WDR59: variants seen among roughly 807,000 people sequenced by gnomAD.
The protein encoded by WDR59 is GATOR2 complex protein WDR59.
A neutral mutation model predicts 131.2 loss-of-function variants in WDR59; 100 were observed. The observed-to-expected ratio is 0.76, with a 90% CI of 0.65 to 0.90. The LOEUF (loss-of-function observed/expected upper bound fraction) is 0.90. Ranked by LOEUF, WDR59 falls within the 40% of genes least tolerant of loss-of-function variation. WDR59 has a pLI of 0.00. For synonymous variants in WDR59, 601 were observed against 466.2 expected, an observed-to-expected ratio of 1.29 and a Z score of -3.72; for missense variants, 1,203 against 1,262.2, an observed-to-expected ratio of 0.95 and a Z score of 0.71.
chr16:74,913,670 G>A (rs1966216737), intron 13 of WDR59, among the ~76,000 whole-genome samples: 1 of 152,044 alleles, frequency 6.6e-6, no homozygotes. Context: ...ACTTTGAGAT[G>A]GGAAAATAAA....
intron 6 of WDR59, among the ~76,000 whole-genome samples, chr16:74,945,349 C>T (rs762321923): frequency 3.6e-4 from 50 of 137,662 alleles, no homozygotes; most frequent in Non-Finnish European, 5.7e-4. Flanking sequence ...TGGTGGCGGG[C>T]GCCTGCAGTC....
At chr16:74,922,875 C>A (rs1287271340) in intron 9 of WDR59, among the ~76,000 whole-genome samples, 1 of 152,142 alleles carries the variant, frequency 6.6e-6, no homozygotes, top group African/African-American at 2.4e-5. Flanking sequence ...AACTTAATAC[C>A]CAAATTACCT....
At position 74,909,641 on chromosome 16, in the gene WDR59, G is replaced by A. The variant is rs1199309896; in HGVS notation, c.1502C>T (p.Ala501Val). The change falls in exon 16 of 26, where the codon GCT becomes GTT. Residue 501 changes from alanine (A) to valine (V), a missense_variant. Physicochemically the swap from Ala to Val is moderately conservative, Grantham distance 64. Transcript: ENST00000262144. ...LESFVNQEDS[A>V]SSNPFALPNS... ...GGGGAGTGCAAACGGGTTGCTGGAA[G>A]CGCTGTCTTCCTGGTTCTGAAATTT... 6.3e-7 allele frequency: 1 copy of A among 1,581,858 alleles called. No individual in the cohort carries two copies. Among genetic ancestry groups the A allele is most frequent in the South Asian group, 1.2e-5 (1 of 85,652 alleles).
intron 25 of WDR59, among the ~76,000 whole-genome samples, chr16:74,883,981 C>T (rs1272334107): frequency 1.3e-5 from 2 of 152,192 alleles, no homozygotes; most frequent in Admixed American, 6.5e-5. Flanking sequence ...TTCTTCCAGT[C>T]GTTTCCATCT....
chr16:74,874,605 T>G (rs1324569336), intron 25 of WDR59, among the ~76,000 whole-genome samples, 161 bp from the exon 26 acceptor site: 2 of 152,198 alleles, frequency 1.3e-5, no homozygotes, highest in Non-Finnish European at 1.5e-5. Context: ...TTTTTATTTT[T>G]TCTTTTTGAG....
intron 10 of WDR59, among the ~76,000 whole-genome samples, chr16:74,921,179 T>C (rs2030185130): frequency 1.3e-5 from 2 of 152,122 alleles, no homozygotes; most frequent in Non-Finnish European, 2.9e-5. Context: ...GTTGTACAGA[T>C]TATTTCATCA....
intron 6 of WDR59, among the ~76,000 whole-genome samples, chr16:74,946,011 T>G (rs1218718917): frequency 6.6e-6 from 1 of 151,866 alleles, no homozygotes; most frequent in Non-Finnish European, 1.5e-5. Flanking sequence ...GAGACGGGGT[T>G]TCTCCATGTT....
rs371748964 is a variant in WDR59, at chr16:74,965,886, C to G, written c.55-64G>C. 2.6e-4 allele frequency: 407 copies of G among 1,566,626 alleles called. 2 individuals are homozygous for G. In the African/African-American group the frequency reaches 3.5e-3, roughly 13 times the overall value. On this transcript the variant is annotated intron_variant, in intron 1 of 25. Transcript: ENST00000262144. ...CCAGCCGGGGATAGAAGGCAGAGGT[C>G]TCTGTGGCTCTTCCTCTTCCTGTCT...
intron 18 of WDR59, among the ~76,000 whole-genome samples, chr16:74,903,115 C>G (rs1049638597): frequency 1.3e-5 from 2 of 152,076 alleles, no homozygotes; most frequent in Non-Finnish European, 2.9e-5. Context: ...CTAATACTTC[C>G]TAGAAATGGG....
intron 25 of WDR59, among the ~76,000 whole-genome samples, chr16:74,882,604 T>G (rs1165214831): frequency 6.6e-6 from 1 of 151,784 alleles, no homozygotes; most frequent in Admixed American, 6.6e-5. Context: ...TGTATTTTAG[T>G]ATCTCTACTA....
In WDR59 at chr16:74,885,664, T is replaced by C. The variant is rs1318660639; in HGVS notation, c.2678A>G (p.His893Arg). Residue 893 changes from histidine (H) to arginine (R), a missense_variant, in exon 25 of 26, where the codon CAC becomes CGC. Transcript: ENST00000262144. Reference protein sequence around the residue: ...LKFVSCPPDPHKGIEFGVYCS... With the variant: ...LKFVSCPPDPRKGIEFGVYCS... ...AAATTCATACTCACCGATCCCTTTG[T>C]GAGGGTCAGGAGGACAGGAGACAAA... The C allele has an allele frequency of 6.2e-7, 1 of 1,613,942 alleles. No homozygotes were observed. Among genetic ancestry groups the C allele is most frequent in the Non-Finnish European group, 8.5e-7 (1 of 1,179,970 alleles).
intron 1 of WDR59, among the ~76,000 whole-genome samples, chr16:74,966,122 T>C (rs1007137987): frequency 5.3e-5 from 8 of 152,064 alleles, no homozygotes; most frequent in African/African-American, 1.7e-4. Flanking sequence ...TTTTTGACAA[T>C]AGGGCAGTTG....
At chr16:74,923,723 T>G (rs181011674) in intron 9 of WDR59, among the ~76,000 whole-genome samples, 26 of 152,144 alleles carry the variant, frequency 1.7e-4, no homozygotes, top group African/African-American at 5.8e-4. Context: ...GATCCAGGTG[T>G]GAGCCACTGC....
chr16:74,905,168 G>C (rs1377904007), intron 17 of WDR59, among the ~76,000 whole-genome samples: 1 of 150,882 alleles, frequency 6.6e-6, no homozygotes, highest in East Asian at 2.0e-4. Flanking sequence ...CTGAGGTCGG[G>C]AGTTCAAGAC....
intron 18 of WDR59, among the ~76,000 whole-genome samples, chr16:74,901,947 A>G (rs960798485): frequency 2.0e-5 from 3 of 152,202 alleles, no homozygotes; most frequent in African/African-American, 7.2e-5. Flanking sequence ...TCATCACAAA[A>G]TGACTGACTT....
At chr16:74,901,564 G>T (rs1257127278) in intron 18 of WDR59, among the ~76,000 whole-genome samples, 1 of 151,492 alleles carries the variant, frequency 6.6e-6, no homozygotes, top group African/African-American at 2.4e-5. Flanking sequence ...GATCACTCGA[G>T]CCCAGGAGTC....
intron 8 of WDR59, among the ~76,000 whole-genome samples, chr16:74,934,802 A>G (rs2031670042): frequency 6.6e-6 from 1 of 151,976 alleles, no homozygotes; most frequent in Non-Finnish European, 1.5e-5. Flanking sequence ...TTATATATAG[A>G]TATATACATA....
intron 1 of WDR59, among the ~76,000 whole-genome samples, chr16:74,983,839 C>T (rs1393955449): frequency 2.0e-5 from 3 of 151,864 alleles, no homozygotes; most frequent in South Asian, 4.2e-4. Flanking sequence ...TTTAGTCGGG[C>T]GTGTTGGCAT....
chr16:74,909,124 C>G (rs2303249), intron 16 of WDR59, 147 bp from the exon 17 acceptor site: 174,989 of 690,524 alleles, frequency 0.25, 23,433 homozygotes, highest in African/African-American at 0.33. Context: ...TGACTGCAGT[C>G]ACCCTTACCA....
Sources: gnomAD v4.1 joint callset for allele counts (sites outside exome capture counted in the v4.1 genomes callset) on GRCh38, gnomAD v4.1.1 for gene constraint, MANE v1.5 for transcripts, NCBI Gene and HGNC (gene_info 2026-07-23, HGNC 2026-07-21) for gene names.